Variants in GPC4 observed in about 807,000 individuals in gnomAD.
GPC4 encodes the protein glypican 4, also known as glypican-4.
Under a neutral mutation model 35.0 loss-of-function variants are expected in GPC4, and 10 were observed. The ratio of observed to expected loss-of-function variants is 0.29; its 90% CI spans 0.18 to 0.48. The LOEUF is 0.48. GPC4 is among the 20% of genes least tolerant of loss of function. GPC4 has a pLI of 0.99. For synonymous variants in GPC4, 167 were observed against 170.2 expected (o/e 0.98, Z 0.15); for missense variants, 322 against 451.3 (o/e 0.71, Z 2.60).
At chrX:133,375,339 T>G (rs893155705) in intron 1 of GPC4, among the ~76,000 whole-genome samples, 5 of 111,871 alleles carry the variant, frequency 4.5e-5, no homozygotes, top group African/African-American at 1.6e-4. Flanking sequence ...ATAAAGGCAT[T>G]TTTTTGTACA....
chrX:133,372,234 A>C (rs1302463334), intron 1 of GPC4, among the ~76,000 whole-genome samples: 1 of 107,377 alleles, frequency 9.3e-6, no homozygotes, highest in Non-Finnish European at 1.9e-5. Context: ...TAAAAAAAAA[A>C]AAAAAAAAAA....
At chrX:133,323,196 C>T (rs1034910092) in intron 3 of GPC4, among the ~76,000 whole-genome samples, 1 of 111,718 alleles carries the variant, frequency 9.0e-6, no homozygotes, top group Non-Finnish European at 1.9e-5. Flanking sequence ...CAGAGTCTAT[C>T]GGCCAGGCAT....
intron 3 of GPC4, among the ~76,000 whole-genome samples, chrX:133,316,226 C>A (rs1484808632): frequency 9.0e-6 from 1 of 111,685 alleles, no homozygotes; most frequent in Admixed American, 9.5e-5. Context: ...TGTATTAACT[C>A]ATTTAAGCCT....
At chrX:133,400,207 A>G (rs914652419) in intron 1 of GPC4, among the ~76,000 whole-genome samples, 1 of 112,075 alleles carries the variant, frequency 8.9e-6, no homozygotes, top group African/African-American at 3.2e-5. Flanking sequence ...TCTTCCCTGC[A>G]CTACTGCACA....
chrX:133,409,615 A>G (rs889549953), intron 1 of GPC4, among the ~76,000 whole-genome samples: 24 of 111,623 alleles, frequency 2.2e-4, no homozygotes, highest in Non-Finnish European at 3.9e-4. Flanking sequence ...CTGCACACAC[A>G]GTTAACTATA....
At chrX:133,330,470 T>A (rs1440085772) in intron 2 of GPC4, among the ~76,000 whole-genome samples, 1 of 112,002 alleles carries the variant, frequency 8.9e-6, no homozygotes, top group Non-Finnish European at 1.9e-5. Context: ...ATTTGATTTA[T>A]CACTATCTCC....
At position 133,415,406 on chromosome X, in the gene GPC4, C is replaced by A; in HGVS notation, c.-441G>T. ...GCTGCTTGGGCTGCCCTGCGCTGGT[C>A]CGCTCGTCCGGCTGGACTCGGCTCG... On this transcript the variant is annotated 5_prime_UTR_variant, in exon 1 of 9. Coordinates refer to ENST00000370828, the MANE Select transcript of GPC4 (RefSeq NM_001448.3). 1 of 125,382 alleles carries A rather than the reference C, an allele frequency of 8.0e-6. No individual in the cohort carries two copies. The highest frequency in any genetic ancestry group is 1.6e-5 in the Non-Finnish European group (1 of 61,893). 10.3% of individuals were successfully genotyped at this position (125,382 alleles called of 1,213,427 possible). A position where few individuals can be genotyped will look rare whatever the true frequency, so the allele number is the denominator to read the frequency against.
chrX:133,414,931 G>A lies in GPC4; in HGVS notation c.35C>T (p.Thr12Ile), dbSNP rs778758698. ...ARFGLPALLC[T>I]LAVLSAALLA... ...CAGCGCGGCGCTGAGCACTGCCAGG[G>A]TGCAGAGAAGCGCGGGCAAGCCGAA... Residue 12 changes from threonine (T) to isoleucine (I), a missense_variant, in exon 1 of 9, where the codon ACC becomes ATC. Coordinates refer to ENST00000370828, the MANE Select transcript of GPC4 (RefSeq NM_001448.3). 8.3e-7 allele frequency: 1 copy of A among 1,211,491 alleles called. No individual in the cohort carries two copies. Among genetic ancestry groups the A allele is most frequent in the Non-Finnish European group, 1.1e-6 (1 of 895,343 alleles).
chrX:133,321,223 A>T (rs1211736347), intron 3 of GPC4, among the ~76,000 whole-genome samples: 2 of 112,074 alleles, frequency 1.8e-5, no homozygotes, highest in African/African-American at 6.5e-5. Context: ...ACAACTGCTT[A>T]CTTCCCCGTA....
intron 1 of GPC4, among the ~76,000 whole-genome samples, chrX:133,408,590 C>T (rs1002554256): frequency 2.7e-5 from 3 of 111,041 alleles, no homozygotes; most frequent in African/African-American, 9.8e-5. Context: ...CAAAATTAGC[C>T]GGGCATGGTG....
At chrX:133,317,846 T>C (rs2068346143) in intron 3 of GPC4, among the ~76,000 whole-genome samples, 1 of 95,099 alleles carries the variant, frequency 1.1e-5, no homozygotes. Flanking sequence ...TCCTAACCAG[T>C]TTTGAATTCA....
chrX:133,314,892 T>C (rs1478048063), intron 3 of GPC4, among the ~76,000 whole-genome samples: 2 of 110,987 alleles, frequency 1.8e-5, no homozygotes, highest in African/African-American at 6.6e-5. Flanking sequence ...GCCCAGGCCT[T>C]TGGTCCCCAC....
At position 133,415,076 on chromosome X, in the gene GPC4, G is replaced by T. The variant is rs745422234; in HGVS notation, c.-111C>A. The T allele has an allele frequency of 5.1e-5, 40 of 790,988 alleles. No homozygotes were observed. The Admixed American group carries it at 9.4e-4, about 19-fold the overall frequency. 65.2% of individuals were successfully genotyped at this position (790,988 alleles called of 1,213,427 possible). On this transcript the variant is annotated 5_prime_UTR_variant, in exon 1 of 9. Transcript: ENST00000370828. ...GGGGACTAGCGAGTGGAGCTGGAGG[G>T]AGAAGGAGTTGGAGTTGGTGGAAGA...
In GPC4 at chrX:133,398,571, C is replaced by T. The variant is rs774720050; in HGVS notation, c.160+16235G>A. Among the ~76,000 whole-genome samples the T allele has an allele frequency of 3.6e-5, 4 of 111,322 alleles. No homozygotes were observed. The South Asian group carries it at 1.5e-3, about 43-fold the overall frequency. ...TTCACCTGAGGTCAGGAGTTCAAGA[C>T]CAGCCTGGCCAACATGGTAAAACCC... is the stretch of plus-strand genomic sequence containing the variant. On this transcript the variant is annotated intron_variant, in intron 1 of 8. Transcript: ENST00000370828.
In GPC4 at chrX:133,414,954, G is replaced by C. The variant is rs1240078663; in HGVS notation, c.12C>G (p.Phe4Leu). 8.3e-7 allele frequency: 1 copy of C among 1,210,394 alleles called. No individual in the cohort carries two copies. The highest frequency in any genetic ancestry group is 3.0e-5 in the East Asian group (1 of 33,762). MAR[F>L]GLPALLCTLA... ...GGGTGCAGAGAAGCGCGGGCAAGCC[G>C]AACCGTGCCATGGTGCGGGCCGGGG... Residue 4 changes from phenylalanine (F) to leucine (L), a missense_variant, in exon 1 of 9, where the codon TTC becomes TTG. Phe to Leu is a conservative substitution (Grantham distance 22). Around this residue, in one of 3 missense-constraint regions of GPC4, gnomAD observed 60 missense variants for 64.1 expected, o/e 0.94. Coordinates refer to ENST00000370828, the MANE Select transcript of GPC4 (RefSeq NM_001448.3).
intron 1 of GPC4, among the ~76,000 whole-genome samples, chrX:133,410,055 T>C (rs2068806470): frequency 9.0e-6 from 1 of 111,630 alleles, no homozygotes; most frequent in South Asian, 3.8e-4. Context: ...CAATTTATAT[T>C]CCTTCTACCA....
At chrX:133,305,305 A>AT (rs2068286112) in intron 6 of GPC4, among the ~76,000 whole-genome samples, 1 of 112,154 alleles carries the variant, frequency 8.9e-6, no homozygotes, top group African/African-American at 3.2e-5. Context: ...AGTTTCTTAC[A>AT]TTTTTGTAGC....
intron 1 of GPC4, among the ~76,000 whole-genome samples, chrX:133,360,452 CT>C (rs1274509428): frequency 1.8e-5 from 2 of 110,435 alleles, no homozygotes; most frequent in Admixed American, 1.9e-4. Flanking sequence ...ATAAACAACC[CT>C]AGAAGTATAG....
intron 1 of GPC4, among the ~76,000 whole-genome samples, chrX:133,364,844 C>T (rs1354563599): frequency 8.9e-6 from 1 of 112,146 alleles, no homozygotes; most frequent in African/African-American, 3.2e-5. Context: ...AGCTAAAAAA[C>T]GTGCTTCCTA....
Sources: allele counts gnomAD v4.1 joint callset (sites outside exome capture counted in the v4.1 genomes callset), GRCh38; gene constraint gnomAD v4.1.1; regional missense constraint gnomAD v4.1.1; transcripts MANE v1.5; gene names NCBI Gene and HGNC (gene_info 2026-07-23, HGNC 2026-07-21).